Variants in NAALADL2 observed in about 807,000 individuals in gnomAD.
The protein encoded by NAALADL2 is N-acetylated alpha-linked acidic dipeptidase like 2, also known as inactive N-acetylated-alpha-linked acidic dipeptidase-like protein 2.
In NAALADL2, 76 loss-of-function variants were observed where a neutral mutation model predicts 87.2. The observed-to-expected ratio is 0.87, with a 90% CI of 0.72 to 1.05. NAALADL2 has a LOEUF of 1.05. Among genes scored for constraint, NAALADL2 ranks in the 50% least tolerant of loss-of-function variants. NAALADL2 has a pLI of 0.00. For synonymous variants in NAALADL2, 354 were observed against 331.0 expected, an observed-to-expected ratio of 1.07 and a Z score of -0.75; for missense variants, 1,089 against 945.8, an observed-to-expected ratio of 1.15 and a Z score of -1.99.
At chr3:175,036,884 C>G (rs1753484817) in intron 1 of NAALADL2, among the ~76,000 whole-genome samples, 1 of 147,136 alleles carries the variant, frequency 6.8e-6, no homozygotes, top group South Asian at 2.1e-4. Context: ...CCTGTTTTCT[C>G]CTCACCAAAA....
At chr3:175,725,642 TC>T (rs879414488) in intron 11 of NAALADL2, among the ~76,000 whole-genome samples, 20 of 152,088 alleles carry the variant, frequency 1.3e-4, no homozygotes, top group Admixed American at 1.2e-3. Flanking sequence ...GAAAAAAATT[TC>T]AAAGGTGCTA....
intron 9 of NAALADL2, among the ~76,000 whole-genome samples, chr3:175,473,523 A>G (rs2149298878): frequency 6.6e-6 from 1 of 152,110 alleles, no homozygotes; most frequent in Non-Finnish European, 1.5e-5. Context: ...AATGGGGATT[A>G]CTTATATATA....
intron 1 of NAALADL2, among the ~76,000 whole-genome samples, chr3:175,082,653 C>T (rs576252503): frequency 3.7e-4 from 56 of 152,190 alleles, no homozygotes; most frequent in African/African-American, 1.3e-3. Context: ...TTTTCTTTCC[C>T]TCCCTATTTT....
At chr3:174,929,908 A>G (rs1736621274) in intron 1 of NAALADL2, among the ~76,000 whole-genome samples, 1 of 152,178 alleles carries the variant, frequency 6.6e-6, no homozygotes, top group African/African-American at 2.4e-5. Flanking sequence ...TAAAGAATAA[A>G]TGACATAGTG....
chr3:174,932,999 C>G (rs1003007663), intron 1 of NAALADL2, among the ~76,000 whole-genome samples: 1 of 152,150 alleles, frequency 6.6e-6, no homozygotes, highest in Admixed American at 6.5e-5. Flanking sequence ...TGCCTGTAAT[C>G]CCAGCTACTT....
chr3:174,691,056 T>G (rs1457208418), intron 2 of NAALADL2, among the ~76,000 whole-genome samples: 1 of 152,162 alleles, frequency 6.6e-6, no homozygotes, highest in Non-Finnish European at 1.5e-5. Context: ...TATATACCCA[T>G]CTACTGACTG....
At chr3:175,189,729 G>T (rs549151114) in intron 2 of NAALADL2, among the ~76,000 whole-genome samples, 4 of 152,208 alleles carry the variant, frequency 2.6e-5, no homozygotes, top group Admixed American at 6.5e-5. Flanking sequence ...TCGAATTCAC[G>T]TGGAACCATA....
At chr3:175,368,387 G>T (rs1419772987) in intron 5 of NAALADL2, among the ~76,000 whole-genome samples, 1 of 152,088 alleles carries the variant, frequency 6.6e-6, no homozygotes, top group East Asian at 1.9e-4. Flanking sequence ...AGTTAGGGAG[G>T]TTTCCCTCTT....
intron 1 of NAALADL2, among the ~76,000 whole-genome samples, chr3:175,041,167 C>T (rs1276670772): frequency 6.6e-6 from 1 of 152,064 alleles, no homozygotes; most frequent in African/African-American, 2.4e-5. Flanking sequence ...GATCTGGTGT[C>T]TGGAGTACAT....
At chr3:175,357,419 T>C (rs967734291) in intron 5 of NAALADL2, among the ~76,000 whole-genome samples, 1 of 152,220 alleles carries the variant, frequency 6.6e-6, no homozygotes, top group African/African-American at 2.4e-5. Context: ...TATTTTCCTT[T>C]TCTGTATTAA....
chr3:174,898,143 A>AAAAAAAAAAAAAT, intron 1 of NAALADL2, among the ~76,000 whole-genome samples: 1 of 144,842 alleles, frequency 6.9e-6, no homozygotes, highest in Non-Finnish European at 1.5e-5. Context: ...AAAAAAAAAA[A>AAAAAAAAAAAAAT]GAAAAAAAGA....
At chr3:174,769,476 G>T (rs184457115) in intron 3 of NAALADL2, among the ~76,000 whole-genome samples, 2 of 151,846 alleles carry the variant, frequency 1.3e-5, no homozygotes, top group Admixed American at 1.3e-4. Context: ...AGCATACCTA[G>T]TAATCTTTTT....
chr3:174,823,822 T>C (rs1247664939), intron 3 of NAALADL2, among the ~76,000 whole-genome samples: 1 of 152,200 alleles, frequency 6.6e-6, no homozygotes, highest in Non-Finnish European at 1.5e-5. Flanking sequence ...GCTATTCTCC[T>C]GCCTCAGCCT....
intron 2 of NAALADL2, among the ~76,000 whole-genome samples, chr3:175,163,787 G>A (rs959340696): frequency 1.5e-4 from 23 of 152,270 alleles, no homozygotes; most frequent in Admixed American, 3.9e-4. Context: ...CTTTTGGTTT[G>A]TACAAGCCTT....
rs145860872 is a variant in NAALADL2 at position 175,602,845 on chromosome 3, C to T, written c.1801-24446C>T. Among the ~76,000 whole-genome samples, 612 of 152,238 alleles carry T rather than the reference C, an allele frequency of 4.0e-3. 5 individuals are homozygous for T. The highest frequency in any genetic ancestry group is 0.013 in the African/African-American group (544 of 41,542). On this transcript the variant is annotated intron_variant, in intron 10 of 13. Coordinates refer to ENST00000454872, the MANE Select transcript of NAALADL2 (RefSeq NM_207015.3). ...TCAAGCTTACAGAAAAGTTGCAAGA[C>T]TAATAATAAAATAATACAAATAATC...
intron 1 of NAALADL2, among the ~76,000 whole-genome samples, chr3:175,008,899 G>T (rs1387103893): frequency 6.6e-6 from 1 of 152,078 alleles, no homozygotes; most frequent in Admixed American, 6.6e-5. Flanking sequence ...GCAAAGGAAA[G>T]GTTGTTTTGT....
At chr3:174,753,258 T>G (rs1307232256) in intron 3 of NAALADL2, among the ~76,000 whole-genome samples, 1 of 152,166 alleles carries the variant, frequency 6.6e-6, no homozygotes, top group African/African-American at 2.4e-5. Flanking sequence ...GTATTTTTAT[T>G]AGAGTTGGGG....
intron 1 of NAALADL2, among the ~76,000 whole-genome samples, chr3:174,863,335 T>C (rs771799656): frequency 6.6e-6 from 1 of 152,122 alleles, no homozygotes; most frequent in African/African-American, 2.4e-5. Context: ...TCTTTTAGTT[T>C]CTATATTTAT....
chr3:175,354,830 CTT>C (rs1560418377), intron 5 of NAALADL2, among the ~76,000 whole-genome samples: 1 of 150,832 alleles, frequency 6.6e-6, no homozygotes, highest in East Asian at 2.0e-4. Flanking sequence ...ATATATTACT[CTT>C]GTTTGCAATT....
Sources: gnomAD v4.1 joint callset for allele counts (sites outside exome capture counted in the v4.1 genomes callset) on GRCh38, gnomAD v4.1.1 for gene constraint, MANE v1.5 for transcripts, NCBI Gene and HGNC (gene_info 2026-07-23, HGNC 2026-07-21) for gene names.